The following CDH18 variants were observed in gnomAD, a reference collection of about 807,000 sequenced individuals.
CDH18 encodes the protein cadherin-18.
A neutral mutation model predicts 67.9 loss-of-function variants in CDH18; 31 were observed. The observed-to-expected ratio is 0.46, with a 90% CI of 0.34 to 0.62. The LOEUF (loss-of-function observed/expected upper bound fraction) is 0.62, where lower values mean the gene tolerates loss of function less well. Ranked by LOEUF, CDH18 falls within the 20% of genes least tolerant of loss-of-function variation. CDH18 has a pLI of 0.01. For missense variants in CDH18, 890 were observed against 975.5 expected, an observed-to-expected ratio of 0.91 and a Z score of 1.17; for synonymous variants, 362 against 347.2, an observed-to-expected ratio of 1.04 and a Z score of -0.48.
At chr5:20,217,147 T>C (rs1740846857) in intron 2 of CDH18, among the ~76,000 whole-genome samples, 1 of 151,472 alleles carries the variant, frequency 6.6e-6, no homozygotes, top group Non-Finnish European at 1.5e-5. Flanking sequence ...CTAAAGAGAG[T>C]TCTTCAATCT....
intron 1 of CDH18, among the ~76,000 whole-genome samples, chr5:20,303,647 T>C (rs1736140118): frequency 6.6e-6 from 1 of 152,024 alleles, no homozygotes; most frequent in Admixed American, 6.6e-5. Flanking sequence ...AGCTTCCTTC[T>C]GAACACAGCC....
intron 3 of CDH18, among the ~76,000 whole-genome samples, chr5:19,834,513 C>A (rs1781408562): frequency 1.3e-5 from 2 of 151,280 alleles, no homozygotes; most frequent in African/African-American, 4.9e-5. Context: ...GTTTTCATGC[C>A]CCTATCTCCT....
At chr5:20,168,808 C>A (rs577920053) in intron 2 of CDH18, among the ~76,000 whole-genome samples, 15 of 152,210 alleles carry the variant, frequency 9.9e-5, no homozygotes, top group African/African-American at 3.1e-4. Flanking sequence ...ACTCTTCAGC[C>A]ATATAAAAGA....
chr5:19,752,638 G>A (rs1771002201), intron 3 of CDH18, among the ~76,000 whole-genome samples: 1 of 152,094 alleles, frequency 6.6e-6, no homozygotes, highest in African/African-American at 2.4e-5. Context: ...GGGAGTTCTA[G>A]GGCCCCACCT....
chr5:19,782,883 C>T (rs1226452089), intron 3 of CDH18, among the ~76,000 whole-genome samples: 1 of 152,066 alleles, frequency 6.6e-6, no homozygotes, highest in East Asian at 1.9e-4. Flanking sequence ...ATCAGAAAAG[C>T]TAATGAGGAC....
At chr5:19,757,201 A>G (rs1771718681) in intron 3 of CDH18, among the ~76,000 whole-genome samples, 1 of 152,166 alleles carries the variant, frequency 6.6e-6, no homozygotes, top group Admixed American at 6.6e-5. Flanking sequence ...GAGTCCATGG[A>G]TGGTAGTCTT....
intron 5 of CDH18, among the ~76,000 whole-genome samples, chr5:19,629,830 T>G (rs758416009): frequency 3.3e-5 from 5 of 152,116 alleles, no homozygotes; most frequent in Non-Finnish European, 7.3e-5. Flanking sequence ...TAGGGATCAT[T>G]TACATATAAT....
chr5:19,966,727 G>A (rs548064244), intron 2 of CDH18, among the ~76,000 whole-genome samples: 1 of 151,980 alleles, frequency 6.6e-6, no homozygotes, highest in South Asian at 2.1e-4. Context: ...TTATTTTCAA[G>A]AGTTATATAT....
intron 2 of CDH18, among the ~76,000 whole-genome samples, chr5:20,085,756 T>C (rs1744893137): frequency 6.6e-6 from 1 of 152,154 alleles, no homozygotes; most frequent in Non-Finnish European, 1.5e-5. Context: ...ATGAGACTTA[T>C]TCACTATCAT....
At chr5:20,486,917 A>G (rs1189765851) in intron 1 of CDH18, among the ~76,000 whole-genome samples, 2 of 152,146 alleles carry the variant, frequency 1.3e-5, no homozygotes, top group African/African-American at 2.4e-5. Context: ...GGATGTCTCA[A>G]CATGAAAACT....
chr5:19,516,745 C>T lies in CDH18; in HGVS notation c.1512+3912G>A, dbSNP rs1746079034. ...CTATTTGATTCTTCTCTCTTTTCTT[C>T]CTTATTAGTCTTGCTAGTGGTCTCT... On this transcript the variant is annotated intron_variant, in intron 10 of 12. Coordinates refer to ENST00000382275, the MANE Select transcript of CDH18 (RefSeq NM_004934.5). Among the ~76,000 whole-genome samples, 2 of 151,696 alleles carry T rather than the reference C, an allele frequency of 1.3e-5. 1 individual carries two copies. The highest frequency in any genetic ancestry group is 4.2e-4 in the South Asian group (2 of 4,810).
At chr5:20,105,905 G>A (rs1041793797) in intron 2 of CDH18, among the ~76,000 whole-genome samples, 6 of 152,126 alleles carry the variant, frequency 3.9e-5, no homozygotes, top group African/African-American at 9.7e-5. Flanking sequence ...TTGAGTCTGA[G>A]GGCATTTTTA....
At chr5:19,846,821 T>A (rs1173927418) in intron 2 of CDH18, among the ~76,000 whole-genome samples, 1 of 152,170 alleles carries the variant, frequency 6.6e-6, no homozygotes, top group Non-Finnish European at 1.5e-5. Flanking sequence ...CTTGTGGTAA[T>A]GAACTCCCTC....
intron 1 of CDH18, among the ~76,000 whole-genome samples, chr5:20,486,800 G>A (rs1309383966): frequency 6.6e-6 from 1 of 151,436 alleles, no homozygotes; most frequent in African/African-American, 2.4e-5. Context: ...ACTAAAATTT[G>A]TCAAAATTTT....
chr5:19,647,213 T>C (rs1298176949), intron 5 of CDH18, among the ~76,000 whole-genome samples: 1 of 151,658 alleles, frequency 6.6e-6, no homozygotes, highest in Non-Finnish European at 1.5e-5. Context: ...TATTAGAAAA[T>C]AATGTAATTT....
At chr5:20,080,475 A>T (rs1744356533) in intron 2 of CDH18, among the ~76,000 whole-genome samples, 1 of 152,202 alleles carries the variant, frequency 6.6e-6, no homozygotes, top group Admixed American at 6.5e-5. Context: ...TGGATATGTG[A>T]AGGAACAGCT....
chr5:20,044,100 G>A (rs985856195), intron 2 of CDH18, among the ~76,000 whole-genome samples: 4 of 151,984 alleles, frequency 2.6e-5, no homozygotes, highest in African/African-American at 9.7e-5. Flanking sequence ...ATACATATTA[G>A]TTGGCTGAAT....
chr5:20,056,083 T>C (rs1342208145), intron 2 of CDH18, among the ~76,000 whole-genome samples: 1 of 141,354 alleles, frequency 7.1e-6, no homozygotes, highest in Non-Finnish European at 1.5e-5. Context: ...TGGCTCACTA[T>C]AACCTCTGCC....
intron 1 of CDH18, among the ~76,000 whole-genome samples, chr5:20,424,848 G>A (rs1748167468): frequency 6.8e-6 from 1 of 147,478 alleles, no homozygotes; most frequent in Admixed American, 6.8e-5. Context: ...GGAATTTTCA[G>A]TCAATCAGAA....
Sources: gnomAD v4.1 joint callset for allele counts (sites outside exome capture counted in the v4.1 genomes callset) on GRCh38, gnomAD v4.1.1 for gene constraint, MANE v1.5 for transcripts, NCBI Gene and HGNC (gene_info 2026-07-23, HGNC 2026-07-21) for gene names.